KIF18B: variants seen among roughly 807,000 people sequenced by gnomAD.
KIF18B encodes the protein kinesin family member 18B.
In KIF18B, 49 loss-of-function variants were observed where a neutral mutation model predicts 80.9. That is an observed-to-expected ratio of 0.61 (90% CI 0.48 to 0.77). KIF18B has a LOEUF of 0.77. Ranked by LOEUF, KIF18B falls within the 30% of genes least tolerant of loss-of-function variation. The pLI, the probability that KIF18B is intolerant of heterozygous loss-of-function variation, is 0.00. For missense variants in KIF18B, 994 were observed against 1,127.7 expected (o/e 0.88, Z 1.70); for synonymous variants, 439 against 463.9 (o/e 0.95, Z 0.69).
In KIF18B at chr17:44,933,865, T is replaced by C; in HGVS notation, c.1062+58A>G. ...TATTGGAGCTGCCTGGGTCCCACCC[T>C]TTCCTGCTCCCCGGCTGGAGCTGCC... On this transcript the variant is annotated intron_variant, in intron 7 of 15. Coordinates refer to ENST00000593135, the MANE Select transcript of KIF18B (RefSeq NM_001265577.2). The C allele has an allele frequency of 2.0e-6, 3 of 1,486,638 alleles. No individual in the cohort carries two copies. The South Asian group carries it at 3.8e-5, about 19-fold the overall frequency. The allele number at this position is 1,486,638 out of a possible 1,614,324, so 92.1% of individuals were successfully genotyped here. A position where few individuals can be genotyped will look rare whatever the true frequency, so the allele number is the denominator to read the frequency against.
At chr17:44,945,692 G>A (rs894605229) in intron 1 of KIF18B, among the ~76,000 whole-genome samples, 10 of 151,902 alleles carry the variant, frequency 6.6e-5, no homozygotes, top group Admixed American at 6.6e-5. Context: ...ATCACCTGAC[G>A]TCAGGAGTTT....
rs1368704955 is a variant in KIF18B, at chr17:44,936,271, T to C, written c.74A>G (p.Gln25Arg). The change falls in exon 2 of 16, where the codon CAG (glutamine) becomes CGG (arginine). Residue 25 changes from glutamine (Q) to arginine (R), a missense_variant. By Grantham distance (43) the Gln-to-Arg change is conservative. Coordinates refer to ENST00000593135, the MANE Select transcript of KIF18B (RefSeq NM_001265577.2). ...RPPTPRELDS[Q>R]RRPVVQVVDE... ...CACCACCTGAACCACTGGCCGCCGC[T>C]GACTGTCCAGCTCCCGAGGGGTGGG... is the stretch of plus-strand genomic sequence containing the variant. 6.2e-7 allele frequency: 1 copy of C among 1,611,048 alleles called. No homozygotes were observed. The highest frequency in any genetic ancestry group is 8.5e-7 in the Non-Finnish European group (1 of 1,179,296).
chr17:44,930,743 A>C (rs545151754), intron 11 of KIF18B, among the ~76,000 whole-genome samples: 1 of 152,292 alleles, frequency 6.6e-6, no homozygotes, highest in Non-Finnish European at 1.5e-5. Context: ...GACCCCTAGC[A>C]GAGGGGCCCT....
At position 44,936,327 on chromosome 17, in the gene KIF18B, G is replaced by A. The variant is rs375081995; in HGVS notation, c.18C>T (p.Ser6=). Residue 6 remains serine, a synonymous_variant, in exon 2 of 16, where the codon AGC becomes AGT. Transcript: ENST00000593135. ...GCACCCGTACCACTACTTGCAGCGT[G>A]CTGTCCTCCACTGCCATCACTGTGG... The part of the protein sequence containing the change: MAVED[S]TLQVVVRVRP... 265 of 1,606,530 alleles carry A rather than the reference G, an allele frequency of 1.6e-4. 1 individual carries two copies. The highest frequency in any genetic ancestry group is 1.1e-3 in the African/African-American group (83 of 74,870).
rs1007830285 is a variant in KIF18B, at chr17:44,935,440, A to G, written c.314-24T>C. 3.8e-6 allele frequency: 6 copies of G among 1,573,444 alleles called. No individual in the cohort carries two copies. In the African/African-American group the frequency reaches 5.4e-5, roughly 14 times the overall value. ...CACTGCAGAGGACATAGTAAGGAGG[A>G]GGACCCCAGTGCCTTGCCACCCAGC... On this transcript the variant is annotated intron_variant, in intron 2 of 15. Coordinates refer to ENST00000593135, the MANE Select transcript of KIF18B (RefSeq NM_001265577.2).
intron 1 of KIF18B, among the ~76,000 whole-genome samples, chr17:44,936,602 A>ATC (rs2052307727): frequency 2.4e-5 from 1 of 41,154 alleles, no homozygotes. Context: ...CTCTCTCTAT[A>ATC]TATATATATA....
chr17:44,934,720 C>A lies in KIF18B; in HGVS notation c.577-103G>T. 1 of 1,250,190 alleles carries A rather than the reference C, an allele frequency of 8.0e-7. No individual in the cohort carries two copies. Among genetic ancestry groups the A allele is most frequent in the South Asian group, 1.5e-5 (1 of 68,390 alleles). The allele number at this position is 1,250,190 out of a possible 1,614,324, so 77.4% of individuals were successfully genotyped here. Reference sequence around the variant, plus strand: ...CAGAATCTACATCACCCCCTTGCTACCACCACCACTGCTACCACCATCACA... The same window carrying A: ...CAGAATCTACATCACCCCCTTGCTAACACCACCACTGCTACCACCATCACA... On this transcript the variant is annotated intron_variant, in intron 4 of 15. Transcript: ENST00000593135. The surrounding 1 kb of genome is among the most constrained non-coding windows in gnomAD (Gnocchi z 5.4).
At position 44,934,432 on chromosome 17, in the gene KIF18B, TGAAGGCA is replaced by T; in HGVS notation, c.688-9_688-3del. On this transcript the variant is annotated splice_region_variant and splice_polypyrimidine_tract_variant and intron_variant, in intron 5 of 15. Coordinates refer to ENST00000593135, the MANE Select transcript of KIF18B (RefSeq NM_001265577.2). The surrounding 1 kb of genome is among the most constrained non-coding windows in gnomAD (Gnocchi z 5.4). Reference sequence around the variant, plus strand: ...CCGGTCCTGCTGCTTCACAAAGATCTGAAGGCAGATGGCAGGGGTGAGGGGGAGATGG... The same window carrying T: ...CCGGTCCTGCTGCTTCACAAAGATCTGATGGCAGGGGTGAGGGGGAGATGG... The T allele has an allele frequency of 6.2e-7, 1 of 1,605,436 alleles. No homozygotes were observed.
At position 44,931,748 on chromosome 17, in the gene KIF18B, G is replaced by T. The variant is rs771045153; in HGVS notation, c.1390-19C>A. ...TTGGAACCTAAAGAGGAAGGAAAAGGCACAGGTAGAGGGGCCAGGATGGCC... is the reference window on the plus strand; with the variant it reads ...TTGGAACCTAAAGAGGAAGGAAAAGTCACAGGTAGAGGGGCCAGGATGGCC... On this transcript the variant is annotated intron_variant, in intron 10 of 15. Transcript: ENST00000593135. The T allele has an allele frequency of 6.2e-7, 1 of 1,613,470 alleles. No homozygotes were observed. Among genetic ancestry groups the T allele is most frequent in the East Asian group, 2.2e-5 (1 of 44,882 alleles).
chr17:44,936,555 ACTCTCTCTCTCTCTCTCTCTCT>A (rs59137224), intron 1 of KIF18B, among the ~76,000 whole-genome samples, 197 bp from the exon 2 acceptor site: 1 of 37,226 alleles, frequency 2.7e-5, no homozygotes, highest in Non-Finnish European at 4.8e-5. Context: ...TACTCAAATG[ACTCTCTCTCTCTCTCTCTCTCT>A]CTCTCTCTCT....
At chr17:44,932,499 C>T (rs559485913) in intron 9 of KIF18B, 174 bp downstream of exon 9, 4 of 606,288 alleles carry the variant, frequency 6.6e-6, no homozygotes, top group Non-Finnish European at 1.2e-5. Context: ...ACTCATTGGA[C>T]ACAGCACTCT....
At position 44,926,097 on chromosome 17, in the gene KIF18B, C is replaced by T. The variant is rs202150266; in HGVS notation, c.2542G>A (p.Val848Ile). Residue 848 changes from valine (V) to isoleucine (I), a missense_variant, in exon 16 of 16, where the codon GTC (valine) becomes ATC (isoleucine). Coordinates refer to ENST00000593135, the MANE Select transcript of KIF18B (RefSeq NM_001265577.2). ...TCTGGCGGTCAGGACACCTTGGTGA[C>T]GCCGTTCCCTGCTGAGAGTGCTCTC... Reference protein sequence around the residue: ...VGRALSAGNGVTKVS With the variant: ...VGRALSAGNGITKVS 113 of 1,613,758 alleles carry T rather than the reference C, an allele frequency of 7.0e-5. No homozygotes were observed. The highest frequency in any genetic ancestry group is 7.8e-5 in the Non-Finnish European group (92 of 1,179,866).
Position 44,926,975 on chromosome 17 carries a change from C to A in KIF18B, c.2366+14G>T. The A allele has an allele frequency of 6.3e-7, 1 of 1,598,822 alleles. No individual in the cohort carries two copies. The highest frequency in any genetic ancestry group is 2.2e-5 in the East Asian group (1 of 44,504). On this transcript the variant is annotated intron_variant, in intron 14 of 15. Transcript: ENST00000593135. ...GCTCCTTCTCCCAGACAGCTGACAC[C>A]TCCCAAACCTCACCTCGCAACGCGC...
intron 1 of KIF18B, among the ~76,000 whole-genome samples, chr17:44,938,291 C>G (rs1711401625): frequency 6.6e-6 from 1 of 152,206 alleles, no homozygotes; most frequent in Non-Finnish European, 1.5e-5. Flanking sequence ...GCTAGGATTA[C>G]AGGTGTGAGC....
chr17:44,941,370 G>T (rs1476994326), intron 1 of KIF18B, among the ~76,000 whole-genome samples: 1 of 139,664 alleles, frequency 7.2e-6, no homozygotes, highest in Non-Finnish European at 1.5e-5. Flanking sequence ...ACAGAGTCTC[G>T]CTCTGTCGCC....
At position 44,934,988 on chromosome 17, in the gene KIF18B, C is replaced by A; in HGVS notation, c.472-53G>T. 7.7e-7 allele frequency: 1 copy of A among 1,298,350 alleles called. No homozygotes were observed. Among genetic ancestry groups the A allele is most frequent in the Non-Finnish European group, 1.1e-6 (1 of 935,170 alleles). 80.4% of individuals were successfully genotyped at this position (1,298,350 alleles called of 1,614,324 possible). Reference sequence around the variant, plus strand: ...GAGGGAGAGCGGCCCATCAGGAAACCTCTCCCTAGCGGCTGGACAGGGGAG... The same window carrying A: ...GAGGGAGAGCGGCCCATCAGGAAACATCTCCCTAGCGGCTGGACAGGGGAG... On this transcript the variant is annotated intron_variant, in intron 3 of 15. Coordinates refer to ENST00000593135, the MANE Select transcript of KIF18B (RefSeq NM_001265577.2). The surrounding 1 kb of genome is among the most constrained non-coding windows in gnomAD (Gnocchi z 5.4).
chr17:44,928,568 C>T lies in KIF18B; in HGVS notation c.1734G>A (p.Pro578=), dbSNP rs1016181612. Residue 578 remains proline, a synonymous_variant, in exon 13 of 16, where the codon CCG becomes CCA. Transcript: ENST00000593135. ...CTGGAGGCTCTGGGCAGAGAGGAGA[C>T]GGCACAGGGACTGCACAGAAGGAAG... The part of the protein sequence containing the change: ...QELCSESIPV[P]SPLCPEPPGY... The T allele has an allele frequency of 2.9e-5, 42 of 1,450,760 alleles. No homozygotes were observed. The highest frequency in any genetic ancestry group is 5.0e-5 in the East Asian group (2 of 40,350). The allele number at this position is 1,450,760 out of a possible 1,614,324, so 89.9% of individuals were successfully genotyped here.
In KIF18B at chr17:44,935,269, C is replaced by G. The variant is rs757201474; in HGVS notation, c.461G>C (p.Ser154Thr). 2 of 1,605,802 alleles carry G rather than the reference C, an allele frequency of 1.2e-6. No individual in the cohort carries two copies. The highest frequency in any genetic ancestry group is 2.2e-5 in the East Asian group (1 of 44,616). ...GCAGGGGCAGCCGACCTCCTGGTAG[C>G]TGATGAGCACCTCGAAGTGCTTCTC... ...QQEKHFEVLI[S>T]YQEVYNEQIH... is the part of the protein sequence containing the mutation. The change falls in exon 3 of 16, where the codon AGC becomes ACC. Residue 154 changes from serine to threonine, a missense_variant. Transcript: ENST00000593135.
intron 1 of KIF18B, among the ~76,000 whole-genome samples, chr17:44,944,630 G>A (rs888269663): frequency 2.6e-5 from 4 of 152,192 alleles, no homozygotes; most frequent in African/African-American, 7.2e-5. Flanking sequence ...GACGGTTTGT[G>A]TAAAGTAGAA....
Sources: gnomAD v4.1 joint callset for allele counts (sites outside exome capture counted in the v4.1 genomes callset) on GRCh38, gnomAD v4.1.1 for gene constraint, Gnocchi (gnomAD v3.1) non-coding constraint, MANE v1.5 for transcripts, NCBI Gene and HGNC (gene_info 2026-07-23, HGNC 2026-07-21) for gene names.